SGMS2: variants seen among roughly 807,000 people sequenced by gnomAD.
SGMS2 encodes phosphatidylcholine:ceramide cholinephosphotransferase 2.
Under a neutral mutation model 43.8 loss-of-function variants are expected in SGMS2, and 21 were observed. The ratio of observed to expected loss-of-function variants is 0.48; its 90% CI spans 0.34 to 0.69. SGMS2 has a LOEUF of 0.69. SGMS2 is among the 30% of genes least tolerant of loss of function. The probability of loss-of-function intolerance (pLI) is 0.01; values close to 1 mark genes in which losing one functional copy is unlikely to be tolerated. For synonymous variants in SGMS2, 167 were observed against 160.6 expected (o/e 1.04, Z -0.30); for missense variants, 384 against 443.2 (o/e 0.87, Z 1.20).
chr4:107,910,675 T>A lies in SGMS2; in HGVS notation c.*122T>A. The stretch of plus-strand genomic sequence containing the variant: ...ATGAAGAAATGGACCAAATTTTGTG[T>A]AAACGATTAGAAAGATGAACAAAGT... On this transcript the variant is annotated 3_prime_UTR_variant, in exon 7 of 7. Coordinates refer to ENST00000690982, the MANE Select transcript of SGMS2 (RefSeq NM_001375905.1). 1 of 848,896 alleles carries A rather than the reference T, an allele frequency of 1.2e-6. No individual in the cohort carries two copies. Among genetic ancestry groups the A allele is most frequent in the Non-Finnish European group, 1.8e-6 (1 of 553,880 alleles). The allele number at this position is 848,896 out of a possible 1,614,324, so 52.6% of individuals were successfully genotyped here. A position where few individuals can be genotyped will look rare whatever the true frequency, so the allele number is the denominator to read the frequency against.
chr4:107,858,712 TGTC>T (rs1727559642), intron 2 of SGMS2, 159 bp downstream of exon 2: 1 of 152,266 alleles, frequency 6.6e-6, no homozygotes, highest in African/African-American at 2.4e-5. Context: ...CATTCATAAA[TGTC>T]GTAACTCTGA....
intron 2 of SGMS2, among the ~76,000 whole-genome samples, chr4:107,869,444 G>GA (rs1728388058): frequency 6.6e-6 from 1 of 152,124 alleles, no homozygotes; most frequent in Non-Finnish European, 1.5e-5. Flanking sequence ...TTAGGGGATG[G>GA]AAAAAAATAC....
intron 2 of SGMS2, among the ~76,000 whole-genome samples, chr4:107,891,096 T>C (rs1248037177): frequency 7.0e-6 from 1 of 142,556 alleles, no homozygotes; most frequent in Non-Finnish European, 1.5e-5. Flanking sequence ...TTTCCTTTTT[T>C]TTCTTTTTTT....
chr4:107,866,761 C>T (rs1028876960), intron 2 of SGMS2: 6 of 152,138 alleles, frequency 3.9e-5, no homozygotes, highest in African/African-American at 1.4e-4. Flanking sequence ...CCTTTTTAAA[C>T]TTTCTTTGGT....
chr4:107,859,627 G>A (rs1031901341), intron 2 of SGMS2, among the ~76,000 whole-genome samples: 13 of 152,124 alleles, frequency 8.5e-5, no homozygotes, highest in Non-Finnish European at 1.8e-4. Context: ...CTTTCTATGT[G>A]CCAGGCATTC....
At chr4:107,854,285 G>T (rs1578534707) in intron 1 of SGMS2, among the ~76,000 whole-genome samples, 1 of 152,176 alleles carries the variant, frequency 6.6e-6, no homozygotes, top group Non-Finnish European at 1.5e-5. Context: ...GCTAAGGTTT[G>T]CACCGTATAA....
intron 5 of SGMS2, chr4:107,907,091 C>T (rs1731641794): frequency 6.6e-6 from 1 of 152,114 alleles, no homozygotes; most frequent in Admixed American, 6.5e-5. Flanking sequence ...AAGAGTAAGG[C>T]CTCTCCCATT....
intron 2 of SGMS2, among the ~76,000 whole-genome samples, chr4:107,879,032 CA>C (rs1729137186): frequency 6.6e-6 from 1 of 151,450 alleles, no homozygotes; most frequent in Non-Finnish European, 1.5e-5. Context: ...TTATTGTTTT[CA>C]AATTTGTACA....
chr4:107,908,493 G>C, intron 5 of SGMS2, 72 bp from the exon 6 acceptor site: 1 of 1,463,730 alleles, frequency 6.8e-7, no homozygotes, highest in Non-Finnish European at 9.4e-7. Context: ...ACTTAAGGTC[G>C]TTAGGACAGA....
At chr4:107,903,794 C>A (rs1731331066) in intron 5 of SGMS2, among the ~76,000 whole-genome samples, 1 of 152,174 alleles carries the variant, frequency 6.6e-6, no homozygotes, top group Admixed American at 6.5e-5. Flanking sequence ...ATTTGTAGGA[C>A]ACTTCCATTC....
At chr4:107,900,618 C>T (rs1230541655) in intron 4 of SGMS2, among the ~76,000 whole-genome samples, 4 of 152,048 alleles carry the variant, frequency 2.6e-5, no homozygotes, top group Admixed American at 6.6e-5. Flanking sequence ...CCAGGAAGAG[C>T]GAGTTCTTGA....
intron 2 of SGMS2, among the ~76,000 whole-genome samples, chr4:107,860,201 T>A (rs931027001): frequency 6.6e-6 from 1 of 152,136 alleles, no homozygotes; most frequent in African/African-American, 2.4e-5. Flanking sequence ...CTCTGCAATG[T>A]ATGTTTTTTT....
At chr4:107,836,310 A>G (rs1250793787) in intron 1 of SGMS2, among the ~76,000 whole-genome samples, 1 of 152,172 alleles carries the variant, frequency 6.6e-6, no homozygotes, top group African/African-American at 2.4e-5. Context: ...TTGCCATCCA[A>G]TGACTTTGGC....
rs563886912 is a variant in SGMS2 at position 107,908,334 on chromosome 4, C to T, written c.728-231C>T. ...GTAAGGCCTAGAATGTCTAGTGTTACCAGCTTCCCCAGTGAATGACTATTA... is the reference window on the plus strand; with the variant it reads ...GTAAGGCCTAGAATGTCTAGTGTTATCAGCTTCCCCAGTGAATGACTATTA... On this transcript the variant is annotated intron_variant, in intron 5 of 6. Transcript: ENST00000690982. 8.4e-6 allele frequency: 4 copies of T among 476,352 alleles called. No individual in the cohort carries two copies. The South Asian group carries it at 1.5e-4, about 17-fold the overall frequency. 29.5% of individuals were successfully genotyped at this position (476,352 alleles called of 1,614,324 possible). A position where few individuals can be genotyped will look rare whatever the true frequency, so the allele number is the denominator to read the frequency against.
intron 2 of SGMS2, among the ~76,000 whole-genome samples, chr4:107,868,409 G>A (rs1471176119): frequency 6.6e-6 from 1 of 152,166 alleles, no homozygotes; most frequent in African/African-American, 2.4e-5. Context: ...TTTGATGAGT[G>A]CATTCTTATT....
rs1732068099 is a variant in SGMS2, at chr4:107,910,838, CT to C, written c.*288del. On this transcript the variant is annotated 3_prime_UTR_variant, in exon 7 of 7. Transcript: ENST00000690982. Reference sequence around the variant, plus strand: ...AGAGGTGCCAAAGAACATATTCCTCCTTTCTTTATTCTTTCTCCACCAAAAC... The same window carrying C: ...AGAGGTGCCAAAGAACATATTCCTCCTTCTTTATTCTTTCTCCACCAAAAC... The C allele has an allele frequency of 3.4e-6, 1 of 295,884 alleles. No individual in the cohort carries two copies. The highest frequency in any genetic ancestry group is 6.8e-5 in the South Asian group (1 of 14,684). The allele number at this position is 295,884 out of a possible 1,614,324, so 18.3% of individuals were successfully genotyped here.
intron 2 of SGMS2, among the ~76,000 whole-genome samples, chr4:107,861,863 A>G (rs1727751958): frequency 6.6e-6 from 1 of 152,226 alleles, no homozygotes; most frequent in East Asian, 1.9e-4. Context: ...ATATTATTGG[A>G]TGAAAGGAAG....
At chr4:107,860,402 G>A (rs1394792639) in intron 2 of SGMS2, among the ~76,000 whole-genome samples, 1 of 152,018 alleles carries the variant, frequency 6.6e-6, no homozygotes, top group Non-Finnish European at 1.5e-5. Flanking sequence ...GTAAGTAACT[G>A]TATGTAGGTT....
chr4:107,838,512 T>C (rs957730776), intron 1 of SGMS2, among the ~76,000 whole-genome samples: 6 of 152,266 alleles, frequency 3.9e-5, no homozygotes, highest in South Asian at 2.1e-4. Context: ...ACAAAGATGA[T>C]TCAGAGGGTT....
Sources: gnomAD v4.1 joint callset for allele counts (sites outside exome capture counted in the v4.1 genomes callset) on GRCh38, gnomAD v4.1.1 for gene constraint, MANE v1.5 for transcripts, NCBI Gene and HGNC (gene_info 2026-07-23, HGNC 2026-07-21) for gene names.